Variants in PJVK observed in about 807,000 individuals in gnomAD.
PJVK encodes the protein pejvakin, also known as autosomal recessive deafness type 59 protein.
Under a neutral mutation model 37.6 loss-of-function variants are expected in PJVK, and 33 were observed. The observed-to-expected ratio is 0.88, with a 90% CI of 0.67 to 1.17. The LOEUF (loss-of-function observed/expected upper bound fraction) is 1.17, where lower values mean the gene tolerates loss of function less well. PJVK is among the 50% of genes most tolerant of loss of function. The probability of loss-of-function intolerance (pLI) is 0.00; values close to 1 mark genes in which losing one functional copy is unlikely to be tolerated. For synonymous variants in PJVK, 141 were observed against 143.5 expected (o/e 0.98, Z 0.13); for missense variants, 410 against 413.8 (o/e 0.99, Z 0.08).
chr2:178,461,016 G>A lies in PJVK; in HGVS notation c.801G>A (p.Gln267=), dbSNP rs1424936126. The change falls in exon 7 of 7, where the codon CAG becomes CAA. Residue 267 remains glutamine, a synonymous_variant. Transcript: ENST00000644580. ...TGATGGATGTCATTTCTCGTTCACAGCTTTACTTGGATGATCTTTTTTCTG... is the reference window on the plus strand; with the variant it reads ...TGATGGATGTCATTTCTCGTTCACAACTTTACTTGGATGATCTTTTTTCTG... ...RRVMDVISRS[Q]LYLDDLFSDY... 6.2e-7 allele frequency: 1 copy of A among 1,613,928 alleles called. No homozygotes were observed. Among genetic ancestry groups the A allele is most frequent in the African/African-American group, 1.3e-5 (1 of 74,992 alleles).
At chr2:178,453,215 C>CTA (rs1033825654) in intron 1 of PJVK, 173 bp from the exon 2 acceptor site, 13 of 587,790 alleles carry the variant, frequency 2.2e-5, no homozygotes, top group Admixed American at 8.5e-5. Context: ...CACCGTTGAT[C>CTA]TATAATTCAT....
At chr2:178,458,691 G>A (rs116771324) in intron 5 of PJVK, 64 bp downstream of exon 5, 12 of 1,195,782 alleles carry the variant, frequency 1.0e-5, no homozygotes, top group Non-Finnish European at 1.4e-5. Flanking sequence ...ATTAGGGCAT[G>A]TGCTCTCTCT....
In PJVK at chr2:178,454,336, T is replaced by C. The variant is rs200686247; in HGVS notation, c.216T>C (p.Ile72=). ...LLGDREISAG[I]SSYQLLNYED... is the part of the protein sequence containing the mutation. ...ACTGAGTTTCTTCTTATAAAGGTAT[T>C]TCATCTTATCAATTACTGAATTATG... Residue 72 remains isoleucine, a synonymous_variant, in exon 3 of 7, where the codon ATT becomes ATC. Coordinates refer to ENST00000644580, the MANE Select transcript of PJVK (RefSeq NM_001042702.5). 3.7e-5 allele frequency: 59 copies of C among 1,612,024 alleles called. No homozygotes were observed. The highest frequency in any genetic ancestry group is 3.0e-4 in the Admixed American group (18 of 59,930).
At position 178,453,505 on chromosome 2, in the gene PJVK, A is replaced by T. The variant is rs778398742; in HGVS notation, c.96A>T (p.Gln32His). ...GCCTCAGTGAAGCTGACAAATATCA[A>T]CCTCTAAGTCTGGTGGTAAAAAAGA... is the stretch of plus-strand genomic sequence containing the variant. ...VPSLSEADKY[Q>H]PLSLVVKKKR... The change falls in exon 2 of 7, where the codon CAA becomes CAT. Residue 32 changes from glutamine (Q) to histidine (H), a missense_variant. Coordinates refer to ENST00000644580, the MANE Select transcript of PJVK (RefSeq NM_001042702.5). 1 of 1,614,030 alleles carries T rather than the reference A, an allele frequency of 6.2e-7. No homozygotes were observed. The highest frequency in any genetic ancestry group is 1.7e-5 in the Admixed American group (1 of 60,000).
In PJVK at chr2:178,458,432, A is replaced by G. The variant is rs1388672887; in HGVS notation, c.550-78A>G. The G allele has an allele frequency of 9.9e-6, 12 of 1,217,348 alleles. No homozygotes were observed. The East Asian group carries it at 3.0e-4, about 30-fold the overall frequency. 75.4% of individuals were successfully genotyped at this position (1,217,348 alleles called of 1,614,324 possible). On this transcript the variant is annotated intron_variant, in intron 4 of 6. Transcript: ENST00000644580. Reference sequence around the variant, plus strand: ...TTTGTTTTGTTTTTGGTAGGATTATAGGAAATGTTTCATTTCTCCAAAAAG... The same window carrying G: ...TTTGTTTTGTTTTTGGTAGGATTATGGGAAATGTTTCATTTCTCCAAAAAG...
chr2:178,458,420 T>G (rs1487113558), intron 4 of PJVK, 90 bp from the exon 5 acceptor site: 1 of 1,113,370 alleles, frequency 9.0e-7, no homozygotes, highest in African/African-American at 1.6e-5. Flanking sequence ...GTTTTGTTTT[T>G]GGTAGGATTA....
intron 3 of PJVK, chr2:178,454,990 C>T (rs1683939771): frequency 7.9e-6 from 8 of 1,014,074 alleles, no homozygotes; most frequent in Non-Finnish European, 1.3e-5. Context: ...CTGGCGGTCC[C>T]TTTCTGTGTG....
At chr2:178,452,724 T>A in intron 1 of PJVK, 1 of 704,852 alleles carries the variant, frequency 1.4e-6, no homozygotes, top group South Asian at 6.4e-5. Flanking sequence ...AACTTCAGAG[T>A]AAGAAACCAC....
At position 178,453,602 on chromosome 2, in the gene PJVK, G is replaced by A. The variant is rs754576211; in HGVS notation, c.193G>A (p.Asp65Asn). ...PFTLKDILLGDREISAGISSY... is the reference protein window; with the variant it reads ...PFTLKDILLGNREISAGISSY... ...TACACTGAAAGATATTCTCCTAGGAGACAGAGAAATTTCAGCTGGTAAGTT... is the reference window on the plus strand; with the variant it reads ...TACACTGAAAGATATTCTCCTAGGAAACAGAGAAATTTCAGCTGGTAAGTT... The change falls in exon 2 of 7, where the codon GAC (aspartate) becomes AAC (asparagine). Residue 65 changes from aspartate (D) to asparagine (N), a missense_variant. Coordinates refer to ENST00000644580, the MANE Select transcript of PJVK (RefSeq NM_001042702.5). 5 of 1,613,040 alleles carry A rather than the reference G, an allele frequency of 3.1e-6. No individual in the cohort carries two copies. The Admixed American group carries it at 6.7e-5, about 22-fold the overall frequency.
chr2:178,456,808 T>C (rs1047743330), intron 4 of PJVK, among the ~76,000 whole-genome samples: 1 of 151,334 alleles, frequency 6.6e-6, no homozygotes, highest in African/African-American at 2.4e-5. Context: ...AAAAAAAAAA[T>C]GTGTAACATA....
Position 178,461,506 on chromosome 2 carries a change from A to G in PJVK, c.*232A>G, listed in dbSNP as rs116701659. The G allele has an allele frequency of 0.011, 5,154 of 476,234 alleles. 42 individuals are homozygous for G. Among genetic ancestry groups the G allele is most frequent in the Non-Finnish European group, 0.015 (3,989 of 267,594 alleles). 29.5% of individuals were successfully genotyped at this position (476,234 alleles called of 1,614,324 possible). On this transcript the variant is annotated 3_prime_UTR_variant, in exon 7 of 7. Coordinates refer to ENST00000644580, the MANE Select transcript of PJVK (RefSeq NM_001042702.5). ...ATTGTTTATATCAAAAAAGATTTACATATAAAATTCAGAGATTATGAATCA... is the reference window on the plus strand; with the variant it reads ...ATTGTTTATATCAAAAAAGATTTACGTATAAAATTCAGAGATTATGAATCA...
At chr2:178,452,821 T>A (rs1025312513) in intron 1 of PJVK, 2 of 174,194 alleles carry the variant, frequency 1.1e-5, no homozygotes, top group African/African-American at 4.8e-5. Flanking sequence ...TATCTGTGAA[T>A]TTATATTTAA....
intron 3 of PJVK, chr2:178,455,045 C>A: frequency 7.8e-7 from 1 of 1,277,120 alleles, no homozygotes; most frequent in Non-Finnish European, 1.1e-6. Flanking sequence ...CATCCAACGG[C>A]GGCACCTCCA....
chr2:178,461,008 C>G lies in PJVK; in HGVS notation c.793C>G (p.Arg265Gly), dbSNP rs17304212. 0.064 allele frequency: 103,885 copies of G among 1,613,372 alleles called. 3,702 individuals are homozygous for G. Among genetic ancestry groups the G allele is most frequent in the Non-Finnish European group, 0.07 (82,420 of 1,179,570 alleles). ...TAGAAGAGTGATGGATGTCATTTCT[C>G]GTTCACAGCTTTACTTGGATGATCT... ...RNRRVMDVIS[R>G]SQLYLDDLFS... Residue 265 changes from arginine to glycine, a missense_variant, in exon 7 of 7, where the codon CGT becomes GGT. Physicochemically the swap from Arg to Gly is moderately radical, Grantham distance 125. Coordinates refer to ENST00000644580, the MANE Select transcript of PJVK (RefSeq NM_001042702.5).
In PJVK at chr2:178,461,102, G is replaced by A. The variant is rs532114292; in HGVS notation, c.887G>A (p.Arg296Gln). 30 of 1,614,074 alleles carry A rather than the reference G, an allele frequency of 1.9e-5. 1 individual carries two copies. The East Asian group carries it at 2.2e-4, about 12-fold the overall frequency. Residue 296 changes from arginine (R) to glutamine (Q), a missense_variant, in exon 7 of 7, where the codon CGA becomes CAA. Physicochemically the swap from Arg to Gln is conservative, Grantham distance 43. Coordinates refer to ENST00000644580, the MANE Select transcript of PJVK (RefSeq NM_001042702.5). ...TCACTCAAAGAAGGGACCCATATCC[G>A]AGTTAACTTACTTAATCACAACATT... is the stretch of plus-strand genomic sequence containing the variant. Reference protein sequence around the residue: ...DISLKEGTHIRVNLLNHNIPK... With the variant: ...DISLKEGTHIQVNLLNHNIPK...
rs576923850 is a variant in PJVK, at chr2:178,455,006, C to G, written c.407+479C>G. 9.5e-6 allele frequency: 10 copies of G among 1,051,244 alleles called. No homozygotes were observed. The East Asian group carries it at 1.7e-4, about 17-fold the overall frequency. The allele number at this position is 1,051,244 out of a possible 1,614,324, so 65.1% of individuals were successfully genotyped here. A position where few individuals can be genotyped will look rare whatever the true frequency, so the allele number is the denominator to read the frequency against. ...TGGCGGTCCCTTTCTGTGTGGACTT[C>G]CAGCTGAAAGGGAAGGACGTGGTGG... On this transcript the variant is annotated intron_variant, in intron 3 of 6. Transcript: ENST00000644580.
intron 3 of PJVK, chr2:178,455,348 G>A (rs950224906): frequency 1.3e-5 from 17 of 1,290,620 alleles, no homozygotes; most frequent in African/African-American, 2.9e-5. Context: ...AACCTCAGAC[G>A]AACAGAAGAA....
chr2:178,453,604 CAG>C lies in PJVK; in HGVS notation c.199_200del (p.Glu67AsnfsTer14). On this transcript the variant is annotated frameshift_variant, in exon 2 of 7. Coordinates refer to ENST00000644580, the MANE Select transcript of PJVK (RefSeq NM_001042702.5). LOFTEE classifies it high-confidence loss of function. ...FTLKDILLGD[R>X]EISAGISSYQ... is the part of the protein sequence containing the mutation. ...CACTGAAAGATATTCTCCTAGGAGA[CAG>C]AGAAATTTCAGCTGGTAAGTTTAAA... The C allele has an allele frequency of 1.9e-6, 3 of 1,612,794 alleles. No homozygotes were observed. Among genetic ancestry groups the C allele is most frequent in the Admixed American group, 1.7e-5 (1 of 59,936 alleles).
chr2:178,453,907 A>G (rs1056958502), intron 2 of PJVK: 11 of 379,800 alleles, frequency 2.9e-5, no homozygotes, highest in Non-Finnish European at 5.1e-5. Flanking sequence ...AAAATGGGAT[A>G]TTATTTGGGC....
Sources: gnomAD v4.1 joint callset for allele counts (sites outside exome capture counted in the v4.1 genomes callset) on GRCh38, gnomAD v4.1.1 for gene constraint, MANE v1.5 for transcripts, NCBI Gene and HGNC (gene_info 2026-07-23, HGNC 2026-07-21) for gene names.